The following GPR174 variants were observed in gnomAD, a reference collection of about 807,000 sequenced individuals.
GPR174 encodes the protein probable G protein-coupled receptor 174.
GPR174 carries 8 observed loss-of-function variants against 16.5 expected under a neutral mutation model. The observed-to-expected ratio is 0.48, with a 90% CI of 0.28 to 0.87. GPR174 has a LOEUF of 0.87. GPR174 is among the 40% of genes least tolerant of loss of function. The pLI, the probability that GPR174 is intolerant of heterozygous loss-of-function variation, is 0.09. For synonymous variants in GPR174, 111 were observed against 94.8 expected (o/e 1.17, Z -0.99); for missense variants, 214 against 247.5 (o/e 0.86, Z 0.91).
chrX:79,159,939 G>A (rs934042281), intron 2 of GPR174, among the ~76,000 whole-genome samples: 3 of 111,517 alleles, frequency 2.7e-5, no homozygotes, highest in African/African-American at 9.8e-5. Context: ...AATTGCAGAG[G>A]TAGAACAAGA....
chrX:79,153,550 G>T (rs1323458622), intron 1 of GPR174, among the ~76,000 whole-genome samples: 1 of 111,387 alleles, frequency 9.0e-6, no homozygotes, highest in Non-Finnish European at 1.9e-5. Flanking sequence ...GAGAGAGATG[G>T]GGAACGGACA....
Position 79,171,381 on chromosome X carries a change from G to A in GPR174, c.374G>A (p.Arg125His), listed in dbSNP as rs200548821. 2.2e-5 allele frequency: 27 copies of A among 1,209,809 alleles called. No individual in the cohort carries two copies. The East Asian group carries it at 3.9e-4, about 17-fold the overall frequency. The change falls in exon 3 of 3, where the codon CGC (arginine) becomes CAC (histidine). Residue 125 changes from arginine to histidine, a missense_variant. Physicochemically the swap from Arg to His is conservative, Grantham distance 29 (BLOSUM62 0). Transcript: ENST00000645147. The stretch of plus-strand genomic sequence containing the variant: ...TTTTGGTTTCTCATGTACCCCTTTC[G>A]CTTCCATGACTGCAAACAGAAATAT... ...RRFWFLMYPF[R>H]FHDCKQKYDL...
chrX:79,167,497 G>T (rs1312123792), intron 2 of GPR174, among the ~76,000 whole-genome samples: 1 of 110,570 alleles, frequency 9.0e-6, no homozygotes, highest in East Asian at 2.8e-4. Context: ...GGGCAGGGAA[G>T]CGAATAGTAG....
chrX:79,171,569 A>T lies in GPR174; in HGVS notation c.562A>T (p.Ile188Phe), dbSNP rs1276988414. The T allele has an allele frequency of 1.7e-6, 2 of 1,211,119 alleles. No individual in the cohort carries two copies. The highest frequency in any genetic ancestry group is 2.2e-6 in the Non-Finnish European group (2 of 895,340). The part of the protein sequence containing the change: ...NLAQSVVMMT[I>F]GELIGFVTPL... ...GGCCCAGTCCGTTGTTATGATGACCATTGGCGAGTTGATTGGGTTTGTAAC... is the reference window on the plus strand; with the variant it reads ...GGCCCAGTCCGTTGTTATGATGACCTTTGGCGAGTTGATTGGGTTTGTAAC... The change falls in exon 3 of 3, where the codon ATT (isoleucine) becomes TTT (phenylalanine). Residue 188 changes from isoleucine (I) to phenylalanine (F), a missense_variant. By Grantham distance (21) the Ile-to-Phe change is conservative. Coordinates refer to ENST00000645147, the MANE Select transcript of GPR174 (RefSeq NM_032553.3).
At chrX:79,157,040 T>C in intron 2 of GPR174, 122 bp downstream of exon 2, 1 of 112,179 alleles carries the variant, frequency 8.9e-6, no homozygotes, top group East Asian at 2.8e-4. Context: ...CATTTGCTGG[T>C]CTACTTGATA....
intron 2 of GPR174, among the ~76,000 whole-genome samples, chrX:79,167,137 T>G (rs1265503167): frequency 1.8e-5 from 2 of 112,062 alleles, no homozygotes; most frequent in Non-Finnish European, 3.8e-5. Context: ...GAAAACACAG[T>G]GAATTCCTGC....
In GPR174 at chrX:79,144,966, CT is replaced by C. The variant is rs1415388763; in HGVS notation, c.-904del. 2.2e-5 allele frequency: 2 copies of C among 91,815 alleles called. No homozygotes were observed. The highest frequency in any genetic ancestry group is 4.3e-5 in the Non-Finnish European group (2 of 46,289). 7.6% of individuals were successfully genotyped at this position (91,815 alleles called of 1,213,427 possible). The stretch of plus-strand genomic sequence containing the variant: ...TTTCTTTCTTTTTCTTTCTTTCTTT[CT>C]CTTTCTTTCTTTTTCTTTCTTTCTT... On this transcript the variant is annotated 5_prime_UTR_variant, in exon 1 of 3. Transcript: ENST00000645147.
intron 2 of GPR174, among the ~76,000 whole-genome samples, chrX:79,169,978 A>G (rs1211467624): frequency 1.8e-5 from 2 of 112,162 alleles, no homozygotes; most frequent in African/African-American, 3.2e-5. Flanking sequence ...TACAAATTGC[A>G]TACTGTACCC....
intron 1 of GPR174, among the ~76,000 whole-genome samples, chrX:79,145,493 T>C (rs1344561297): frequency 1.8e-5 from 2 of 111,931 alleles, no homozygotes; most frequent in African/African-American, 3.2e-5. Context: ...TTTAGCTCAT[T>C]TGATATTGAG....
intron 1 of GPR174, among the ~76,000 whole-genome samples, chrX:79,146,950 G>A (rs1035984500): frequency 1.2e-4 from 13 of 111,391 alleles, no homozygotes; most frequent in African/African-American, 3.9e-4. Flanking sequence ...GATACAAGCA[G>A]GGCACAGACG....
Position 79,170,693 on chromosome X carries a change from G to T in GPR174, c.-315G>T, listed in dbSNP as rs1200038299. On this transcript the variant is annotated 5_prime_UTR_variant, in exon 3 of 3. Coordinates refer to ENST00000645147, the MANE Select transcript of GPR174 (RefSeq NM_032553.3). Reference sequence around the variant, plus strand: ...GTACATTCCTTTTCCAAATGGGAGAGAATAAGCTCTCATGATGTCCCAGAG... The same window carrying T: ...GTACATTCCTTTTCCAAATGGGAGATAATAAGCTCTCATGATGTCCCAGAG... 7.8e-6 allele frequency: 2 copies of T among 257,461 alleles called. No individual in the cohort carries two copies. The highest frequency in any genetic ancestry group is 1.2e-4 in the Admixed American group (2 of 16,074). 21.2% of individuals were successfully genotyped at this position (257,461 alleles called of 1,213,427 possible). A position where few individuals can be genotyped will look rare whatever the true frequency, so the allele number is the denominator to read the frequency against.
chrX:79,149,531 C>G (rs901686626), intron 1 of GPR174, among the ~76,000 whole-genome samples: 1 of 111,982 alleles, frequency 8.9e-6, no homozygotes, highest in Non-Finnish European at 1.9e-5. Flanking sequence ...CAGTGCATAT[C>G]AAGACATCTG....
intron 2 of GPR174, among the ~76,000 whole-genome samples, chrX:79,162,029 A>C (rs1313940775): frequency 8.9e-6 from 1 of 112,010 alleles, no homozygotes; most frequent in African/African-American, 3.2e-5. Context: ...TGAGGCAATG[A>C]CTGTGTTTTG....
intron 1 of GPR174, among the ~76,000 whole-genome samples, chrX:79,145,550 G>T (rs755765462): frequency 8.9e-6 from 1 of 111,808 alleles, no homozygotes; most frequent in South Asian, 3.7e-4. Context: ...TTTGTATTAA[G>T]TAGAGTTGCT....
chrX:79,164,648 C>A (rs969911666), intron 2 of GPR174, among the ~76,000 whole-genome samples: 4 of 111,658 alleles, frequency 3.6e-5, no homozygotes, highest in South Asian at 3.8e-4. Context: ...AAAATAAATT[C>A]TTCCAAAGTC....
At chrX:79,150,849 G>A (rs1926587600) in intron 1 of GPR174, among the ~76,000 whole-genome samples, 1 of 111,101 alleles carries the variant, frequency 9.0e-6, no homozygotes, top group Non-Finnish European at 1.9e-5. Flanking sequence ...AGTTTCTTTA[G>A]CAAAGGGAAA....
chrX:79,166,670 C>T (rs775663068), intron 2 of GPR174, among the ~76,000 whole-genome samples: 3 of 108,661 alleles, frequency 2.8e-5, no homozygotes, highest in African/African-American at 1.0e-4. Flanking sequence ...ATCCTGACCC[C>T]GTGATCCGCC....
Position 79,171,836 on chromosome X carries a change from G to A in GPR174, c.829G>A (p.Ala277Thr). Residue 277 changes from alanine (A) to threonine (T), a missense_variant, in exon 3 of 3, where the codon GCA becomes ACA. Physicochemically the swap from Ala to Thr is moderately conservative, Grantham distance 58 (BLOSUM62 0). Transcript: ENST00000645147. Reference sequence around the variant, plus strand: ...GGTGATTCTAATATTTCATTCTGTGGCATTGTGTCTTGCTAGTCTGAATTC... The same window carrying A: ...GGTGATTCTAATATTTCATTCTGTGACATTGTGTCTTGCTAGTCTGAATTC... The part of the protein sequence containing the change: ...RRVILIFHSV[A>T]LCLASLNSCL... 1.7e-6 allele frequency: 2 copies of A among 1,210,656 alleles called. No homozygotes were observed. Among genetic ancestry groups the A allele is most frequent in the Non-Finnish European group, 1.1e-6 (1 of 895,066 alleles).
chrX:79,155,378 G>A (rs1330649377), intron 1 of GPR174, among the ~76,000 whole-genome samples: 3 of 111,025 alleles, frequency 2.7e-5, no homozygotes, highest in African/African-American at 9.8e-5. Flanking sequence ...CTCCCACTTT[G>A]TTACCCTCTC....
Sources: allele counts gnomAD v4.1 joint callset (sites outside exome capture counted in the v4.1 genomes callset), GRCh38; gene constraint gnomAD v4.1.1; transcripts MANE v1.5; gene names NCBI Gene and HGNC (gene_info 2026-07-23, HGNC 2026-07-21).